The following KHDRBS2 variants were observed in gnomAD, a reference collection of about 807,000 sequenced individuals.
The protein encoded by KHDRBS2 is KH RNA binding domain containing, signal transduction associated 2, also known as KH domain-containing, RNA-binding, signal transduction-associated protein 2.
A neutral mutation model predicts 44.3 loss-of-function variants in KHDRBS2; 26 were observed. The ratio of observed to expected loss-of-function variants is 0.59; its 90% confidence interval spans 0.43 to 0.81. The LOEUF (loss-of-function observed/expected upper bound fraction) is 0.81, where lower values mean the gene tolerates loss of function less well. KHDRBS2 is among the 40% of genes least tolerant of loss of function. The pLI, the probability that KHDRBS2 is intolerant of heterozygous loss-of-function variation, is 0.00. For missense variants in KHDRBS2, 476 were observed against 433.1 expected (o/e 1.10, Z -0.88); for synonymous variants, 194 against 151.1 (o/e 1.28, Z -2.08).
intron 6 of KHDRBS2, among the ~76,000 whole-genome samples, chr6:61,832,475 T>G (rs1358884): frequency 0.31 from 47,252 of 151,892 alleles, 7,459 homozygotes; most frequent in African/African-American, 0.36. Context: ...CAACCTGACA[T>G]CAGGAAATTT....
At chr6:61,567,720 T>C in the KHDRBS2 span, among the ~76,000 whole-genome samples, 3 of 25,718 alleles carry the variant, frequency 1.2e-4, no homozygotes, top group Non-Finnish European at 2.9e-4. Flanking sequence ...CCTCTCTCCC[T>C]CCTTCTCTTC....
At chr6:62,135,360 C>A (rs1811282465) in intron 2 of KHDRBS2, among the ~76,000 whole-genome samples, 1 of 152,126 alleles carries the variant, frequency 6.6e-6, no homozygotes, top group Non-Finnish European at 1.5e-5. Flanking sequence ...ACTGTGAAGT[C>A]CATTAAACCT....
chr6:61,765,119 A>C (rs2127574038), intron 6 of KHDRBS2, among the ~76,000 whole-genome samples: 1 of 152,254 alleles, frequency 6.6e-6, no homozygotes, highest in South Asian at 2.1e-4. Context: ...ATTGGTTTTA[A>C]AATGTGGTTC....
intron 6 of KHDRBS2, among the ~76,000 whole-genome samples, chr6:61,880,283 G>GA (rs912020074): frequency 6.6e-6 from 1 of 151,720 alleles, no homozygotes; most frequent in Admixed American, 6.6e-5. Context: ...ACTTATAATA[G>GA]AAAAAAATAC....
At chr6:61,644,935 T>C in the KHDRBS2 span, among the ~76,000 whole-genome samples, 2 of 152,090 alleles carry the variant, frequency 1.3e-5, no homozygotes, top group Non-Finnish European at 2.9e-5. Context: ...AAAACAGAAT[T>C]ACTATTCAAC....
intron 2 of KHDRBS2, among the ~76,000 whole-genome samples, chr6:62,110,155 T>A (rs1804667249): frequency 6.6e-6 from 1 of 152,054 alleles, no homozygotes; most frequent in Admixed American, 6.6e-5. Context: ...CTAATAGAAT[T>A]GTTTACATTA....
At chr6:61,792,739 A>C (rs1273255166) in intron 6 of KHDRBS2, among the ~76,000 whole-genome samples, 2 of 151,974 alleles carry the variant, frequency 1.3e-5, no homozygotes, top group African/African-American at 2.4e-5. Flanking sequence ...AGTTGTAAAA[A>C]TATACATTAA....
At position 61,697,260 on chromosome 6, in the gene KHDRBS2, C is replaced by CA. The variant is rs758107035; in HGVS notation, c.894-8dup. 6.3e-7 allele frequency: 1 copy of CA among 1,582,020 alleles called. No individual in the cohort carries two copies. Among genetic ancestry groups the CA allele is most frequent in the Non-Finnish European group, 8.7e-7 (1 of 1,151,142 alleles). On this transcript the variant is annotated splice_polypyrimidine_tract_variant and splice_region_variant and intron_variant, in intron 7 of 8. Transcript: ENST00000281156. The stretch of plus-strand genomic sequence containing the variant: ...GTCATAGTATTCAGGCACACTGCAA[C>CA]AAATTTAGATAGCAATCAATGTTAC...
intron 3 of KHDRBS2, among the ~76,000 whole-genome samples, chr6:62,043,279 T>C (rs1057108498): frequency 4.6e-5 from 7 of 152,088 alleles, no homozygotes; most frequent in African/African-American, 1.7e-4. Flanking sequence ...TAAGTTACCC[T>C]GAACATTGCT....
intron 6 of KHDRBS2, among the ~76,000 whole-genome samples, chr6:61,763,687 A>C (rs767940028): frequency 6.6e-6 from 1 of 152,154 alleles, no homozygotes; most frequent in Non-Finnish European, 1.5e-5. Context: ...AAGTTTTTAA[A>C]ATTAGAGGTG....
At chr6:62,057,116 T>C (rs1420147421) in intron 2 of KHDRBS2, among the ~76,000 whole-genome samples, 2 of 151,592 alleles carry the variant, frequency 1.3e-5, no homozygotes, top group African/African-American at 2.4e-5. Flanking sequence ...ACATTAACTA[T>C]ATAAAAGTAT....
chr6:61,901,170 A>C lies in KHDRBS2; in HGVS notation c.611+74T>G, dbSNP rs1803940016. Reference sequence around the variant, plus strand: ...CTGATGTTGTTGTTTACTGCTAGTGATAATCATGACATAAAGCAGGACAAA... The same window carrying C: ...CTGATGTTGTTGTTTACTGCTAGTGCTAATCATGACATAAAGCAGGACAAA... On this transcript the variant is annotated intron_variant, in intron 5 of 8. Coordinates refer to ENST00000281156, the MANE Select transcript of KHDRBS2 (RefSeq NM_152688.4). 4.9e-6 allele frequency: 7 copies of C among 1,424,836 alleles called. No homozygotes were observed. In the South Asian group the frequency reaches 7.5e-5, roughly 15 times the overall value. 88.3% of individuals were successfully genotyped at this position (1,424,836 alleles called of 1,614,324 possible). A position where few individuals can be genotyped will look rare whatever the true frequency, so the allele number is the denominator to read the frequency against.
At chr6:62,144,903 CATTAAAGGTAAGTCCTT>C (rs2150100991) in intron 2 of KHDRBS2, among the ~76,000 whole-genome samples, 1 of 151,980 alleles carries the variant, frequency 6.6e-6, no homozygotes, top group South Asian at 2.1e-4. Context: ...CCTTGTTAAA[CATTAAAGGTAAGTCCTT>C]AGTGCATTAG....
At chr6:61,662,094 C>T in the KHDRBS2 span, among the ~76,000 whole-genome samples, 2 of 152,030 alleles carry the variant, frequency 1.3e-5, no homozygotes, top group African/African-American at 4.8e-5. Context: ...AATAATGCTG[C>T]ATATCTACAA....
chr6:62,061,617 C>T (rs963655975), intron 2 of KHDRBS2, among the ~76,000 whole-genome samples: 1 of 150,898 alleles, frequency 6.6e-6, no homozygotes, highest in South Asian at 2.1e-4. Flanking sequence ...TTTTTTCCTT[C>T]ATTTCAACTT....
At chr6:61,832,415 T>C (rs534175587) in intron 6 of KHDRBS2, among the ~76,000 whole-genome samples, 5 of 152,242 alleles carry the variant, frequency 3.3e-5, no homozygotes, top group African/African-American at 1.2e-4. Context: ...TCTGAAAAGC[T>C]TCAAGTAACT....
intron 2 of KHDRBS2, among the ~76,000 whole-genome samples, chr6:62,169,145 G>GTATA (rs1562991614): frequency 3.5e-4 from 22 of 62,462 alleles, no homozygotes; most frequent in African/African-American, 7.1e-4. Flanking sequence ...ACACATATAT[G>GTATA]TGTGTATATA....
chr6:61,650,808 T>A, the KHDRBS2 span, among the ~76,000 whole-genome samples: 3 of 152,098 alleles, frequency 2.0e-5, no homozygotes, highest in Non-Finnish European at 4.4e-5. Context: ...ATTATCATCA[T>A]TAGGTGTCTA....
chr6:62,274,081 G>A (rs1840524952), intron 1 of KHDRBS2, among the ~76,000 whole-genome samples: 1 of 151,976 alleles, frequency 6.6e-6, no homozygotes, highest in South Asian at 2.1e-4. Context: ...GACTACAGGT[G>A]TGCGCCACCA....
Sources: allele counts gnomAD v4.1 joint callset (sites outside exome capture counted in the v4.1 genomes callset), GRCh38; gene constraint gnomAD v4.1.1; transcripts MANE v1.5; gene names NCBI Gene and HGNC (gene_info 2026-07-23, HGNC 2026-07-21).